DIP2C: variants seen among roughly 807,000 people sequenced by gnomAD.
DIP2C encodes the protein disco-interacting protein 2 homolog C.
In DIP2C, 33 loss-of-function variants were observed where a neutral mutation model predicts 192.4. The observed-to-expected ratio is 0.17, with a 90% CI of 0.13 to 0.23. The LOEUF (loss-of-function observed/expected upper bound fraction) is 0.23, where lower values mean the gene tolerates loss of function less well. Among genes scored for constraint, DIP2C ranks in the 10% least tolerant of loss-of-function variants. DIP2C has a pLI of 1.00. For synonymous variants in DIP2C, 979 were observed against 864.1 expected (o/e 1.13, Z -2.33); for missense variants, 1,537 against 2,110.1 (o/e 0.73, Z 5.32).
At chr10:388,629 A>AG (rs781741400) in intron 13 of DIP2C, among the ~76,000 whole-genome samples, 1 of 152,234 alleles carries the variant, frequency 6.6e-6, no homozygotes, top group Non-Finnish European at 1.5e-5. Context: ...TTGGAGGCGC[A>AG]GGGGGCAGTG....
At chr10:453,554 G>A (rs1172128219) in intron 3 of DIP2C, among the ~76,000 whole-genome samples, 1 of 152,240 alleles carries the variant, frequency 6.6e-6, no homozygotes, top group Non-Finnish European at 1.5e-5. Context: ...GAAGAGCACT[G>A]AAAGTGGTCA....
At chr10:311,860 C>T (rs548714995) in intron 31 of DIP2C, among the ~76,000 whole-genome samples, 20 of 152,288 alleles carry the variant, frequency 1.3e-4, no homozygotes, top group East Asian at 3.9e-4. Flanking sequence ...TGACTAACCA[C>T]GGCGCAGGGA....
At chr10:586,254 C>A (rs1003872189) in intron 1 of DIP2C, among the ~76,000 whole-genome samples, 1 of 152,220 alleles carries the variant, frequency 6.6e-6, no homozygotes, top group Non-Finnish European at 1.5e-5. Flanking sequence ...TGAGAATGGA[C>A]GCAGCCATCA....
intron 1 of DIP2C, among the ~76,000 whole-genome samples, chr10:517,238 T>C (rs938073762): frequency 3.3e-5 from 5 of 152,196 alleles, no homozygotes; most frequent in Admixed American, 2.0e-4. Context: ...CAAACCTTGC[T>C]GTCCTTGGCA....
intron 19 of DIP2C, among the ~76,000 whole-genome samples, 178 bp from the exon 20 acceptor site, chr10:364,760 A>G (rs2132737916): frequency 6.6e-6 from 1 of 152,252 alleles, no homozygotes; most frequent in South Asian, 2.1e-4. Flanking sequence ...CGAGGCAGAA[A>G]AGCACTTCCT....
intron 3 of DIP2C, among the ~76,000 whole-genome samples, chr10:470,845 A>T (rs779934120): frequency 1.3e-5 from 2 of 152,204 alleles, no homozygotes; most frequent in Admixed American, 6.5e-5. Flanking sequence ...TATAAAATGG[A>T]AGATAGACCC....
intron 1 of DIP2C, among the ~76,000 whole-genome samples, chr10:597,963 C>G (rs575764982): frequency 6.6e-6 from 1 of 152,330 alleles, no homozygotes; most frequent in South Asian, 2.1e-4. Context: ...CCCTCTACCC[C>G]ACGGTTCCCT....
At chr10:655,611 C>G (rs1856241646) in intron 1 of DIP2C, among the ~76,000 whole-genome samples, 1 of 152,174 alleles carries the variant, frequency 6.6e-6, no homozygotes, top group Non-Finnish European at 1.5e-5. Context: ...TACTGCACAC[C>G]ATGCTATGTA....
chr10:479,155 C>T (rs34591471), intron 2 of DIP2C, among the ~76,000 whole-genome samples: 6 of 152,156 alleles, frequency 3.9e-5, no homozygotes, highest in African/African-American at 1.4e-4. Flanking sequence ...GTAAAACTTT[C>T]TAAAATAAGT....
chr10:349,962 C>T (rs1358234933), intron 24 of DIP2C, among the ~76,000 whole-genome samples: 2 of 152,182 alleles, frequency 1.3e-5, no homozygotes, highest in South Asian at 2.1e-4. Context: ...AACTATCAAA[C>T]GCATTTTCAC....
intron 1 of DIP2C, among the ~76,000 whole-genome samples, chr10:524,966 T>TAAAAAAAAAAAAAAAAA (rs1564818283): frequency 3.7e-5 from 1 of 26,744 alleles, no homozygotes; most frequent in Non-Finnish European, 5.9e-5. Flanking sequence ...AATCACAATT[T>TAAAAAAAAAAAAAAAAA]CAAAAAAAAA....
rs570470559 is a variant in DIP2C at position 587,210 on chromosome 10, T to C, written c.86-100680A>G. ...AACAGTGCAGGGTCTAAGGCCAGAC[T>C]ACCCGGGTCCCTGCTGACAGCGTGG... On this transcript the variant is annotated intron_variant, in intron 1 of 36. Transcript: ENST00000280886. 3.2e-3 allele frequency among the ~76,000 whole-genome samples: 386 copies of C among 118,842 alleles called. 1 individual carries two copies. Among genetic ancestry groups the C allele is most frequent in the Middle Eastern group, 0.021 (4 of 192 alleles). The allele number at this position is 118,842 out of a possible 152,430, so 78.0% of individuals were successfully genotyped here.
rs117152693 is a variant in DIP2C, at chr10:421,562, G to A, written c.604+1262C>T. Among the ~76,000 whole-genome samples, 146 of 152,176 alleles carry A rather than the reference G, an allele frequency of 9.6e-4. No individual in the cohort carries two copies. The East Asian group carries it at 0.013, about 14-fold the overall frequency. ...CACACATTCCTGTTCATTGTTTAACGTACTGTGATTTCAAGTACAGGTTAT... is the reference window on the plus strand; with the variant it reads ...CACACATTCCTGTTCATTGTTTAACATACTGTGATTTCAAGTACAGGTTAT... On this transcript the variant is annotated intron_variant, in intron 5 of 36. Coordinates refer to ENST00000280886, the MANE Select transcript of DIP2C (RefSeq NM_014974.3).
chr10:415,719 C>T (rs376645650), intron 7 of DIP2C, 50 bp downstream of exon 7: 18 of 1,596,220 alleles, frequency 1.1e-5, no homozygotes, highest in Admixed American at 3.5e-5. Context: ...TCATTGTTTA[C>T]GGGACCATAG....
intron 35 of DIP2C, among the ~76,000 whole-genome samples, chr10:282,607 G>C (rs1454935231): frequency 1.3e-5 from 2 of 152,226 alleles, no homozygotes; most frequent in Non-Finnish European, 2.9e-5. Context: ...AAGGATTCTG[G>C]AATAAGCAAA....
At chr10:498,931 G>T (rs952299888) in intron 1 of DIP2C, among the ~76,000 whole-genome samples, 1 of 152,174 alleles carries the variant, frequency 6.6e-6, no homozygotes, top group African/African-American at 2.4e-5. Flanking sequence ...TTACTTATCT[G>T]CATGCCGGCA....
At chr10:511,662 C>T (rs1846021561) in intron 1 of DIP2C, among the ~76,000 whole-genome samples, 1 of 152,176 alleles carries the variant, frequency 6.6e-6, no homozygotes, top group African/African-American at 2.4e-5. Context: ...AGTCACCCCT[C>T]CACGGGGTTC....
chr10:559,320 G>A (rs1040792338), intron 1 of DIP2C, among the ~76,000 whole-genome samples: 8 of 131,794 alleles, frequency 6.1e-5, no homozygotes, highest in Admixed American at 2.2e-4. Context: ...CCATGGGGGC[G>A]GTGGGGAACG....
intron 1 of DIP2C, among the ~76,000 whole-genome samples, chr10:534,740 A>G (rs573091615): frequency 0.014 from 2,151 of 149,630 alleles, 22 homozygotes; most frequent in Non-Finnish European, 0.023. Flanking sequence ...GCAGTGGCGC[A>G]ATCTCGGCTC....
Sources: allele counts gnomAD v4.1 joint callset (sites outside exome capture counted in the v4.1 genomes callset), GRCh38; gene constraint gnomAD v4.1.1; transcripts MANE v1.5; gene names NCBI Gene and HGNC (gene_info 2026-07-23, HGNC 2026-07-21).